The following CCN4 variants were observed in gnomAD, a reference collection of about 807,000 sequenced individuals.
CCN4 encodes the protein CCN family member 4.
In CCN4, 30 loss-of-function variants were observed where a neutral mutation model predicts 36.7. The observed-to-expected ratio is 0.82, with a 90% confidence interval of 0.61 to 1.11. The LOEUF is 1.11. CCN4 is among the 50% of genes least tolerant of loss of function. The probability of loss-of-function intolerance (pLI) is 0.00; values close to 1 mark genes in which losing one functional copy is unlikely to be tolerated. For synonymous variants in CCN4, 191 were observed against 195.4 expected, an observed-to-expected ratio of 0.98 and a Z score of 0.19; for missense variants, 505 against 504.9, an observed-to-expected ratio of 1.00 and a Z score of 0.00.
At chr8:133,215,378 C>T (rs1854280834) in intron 2 of CCN4, among the ~76,000 whole-genome samples, 1 of 152,226 alleles carries the variant, frequency 6.6e-6, no homozygotes, top group Non-Finnish European at 1.5e-5. Context: ...ACTAGAACCA[C>T]CTCCAGTTAT....
At chr8:133,216,030 C>A (rs1029090672) in intron 2 of CCN4, among the ~76,000 whole-genome samples, 1 of 152,074 alleles carries the variant, frequency 6.6e-6, no homozygotes, top group Non-Finnish European at 1.5e-5. Context: ...TACATATACA[C>A]ATCACACACA....
chr8:133,209,617 C>T (rs780423847), intron 1 of CCN4, among the ~76,000 whole-genome samples: 1 of 152,218 alleles, frequency 6.6e-6, no homozygotes, highest in Non-Finnish European at 1.5e-5. Flanking sequence ...TTCTGGGCAT[C>T]TTTAACTTGG....
chr8:133,194,351 TGGTG>T (rs1853235903), intron 1 of CCN4, among the ~76,000 whole-genome samples: 1 of 18,036 alleles, frequency 5.5e-5, no homozygotes, highest in Non-Finnish European at 1.0e-4. Context: ...TGTGGGGGGG[TGGTG>T]GTGTGTGGGG....
At chr8:133,222,503 G>A (rs1854572115) in intron 3 of CCN4, among the ~76,000 whole-genome samples, 1 of 151,772 alleles carries the variant, frequency 6.6e-6, no homozygotes, top group African/African-American at 2.4e-5. Context: ...GAGCTCTGAA[G>A]TCATCTGCTT....
At chr8:133,195,121 G>A (rs1475713328) in intron 1 of CCN4, among the ~76,000 whole-genome samples, 1 of 147,746 alleles carries the variant, frequency 6.8e-6, no homozygotes, top group Admixed American at 6.8e-5. Context: ...TGCATGGTGT[G>A]TGTATGGTGT....
intron 3 of CCN4, among the ~76,000 whole-genome samples, chr8:133,223,167 G>T (rs549154135): frequency 6.6e-6 from 1 of 152,240 alleles, no homozygotes; most frequent in East Asian, 1.9e-4. Context: ...CAGCAAGGCA[G>T]CTCTCCCACC....
chr8:133,193,885 A>G (rs1001893695), intron 1 of CCN4, among the ~76,000 whole-genome samples: 1 of 152,156 alleles, frequency 6.6e-6, no homozygotes, highest in Non-Finnish European at 1.5e-5. Context: ...CTAGTGGGGC[A>G]GGTGACAGGG....
At chr8:133,195,955 C>A (rs115167052) in intron 1 of CCN4, among the ~76,000 whole-genome samples, 14 of 152,276 alleles carry the variant, frequency 9.2e-5, no homozygotes, top group South Asian at 2.1e-4. Flanking sequence ...GCAAGGGTGG[C>A]GAAGCAGCCA....
At chr8:133,194,441 TGGTGTGTGTGTGGTATGTGTGTGG>T (rs1297335466) in intron 1 of CCN4, among the ~76,000 whole-genome samples, 3 of 57,812 alleles carry the variant, frequency 5.2e-5, no homozygotes, top group African/African-American at 1.1e-4. Flanking sequence ...TATGTGTGTG[TGGTGTGTGTGTGGTATGTGTGTGG>T]GGTGTGTGTG....
chr8:133,195,016 G>A (rs1853320967), intron 1 of CCN4, among the ~76,000 whole-genome samples: 1 of 147,624 alleles, frequency 6.8e-6, no homozygotes, highest in Non-Finnish European at 1.5e-5. Flanking sequence ...TTGTGTGTGT[G>A]GTGTGTGGTA....
chr8:133,229,763 T>C lies in CCN4; in HGVS notation c.*2053T>C, dbSNP rs1854889406. On this transcript the variant is annotated 3_prime_UTR_variant, in exon 5 of 5. Coordinates refer to ENST00000250160, the MANE Select transcript of CCN4 (RefSeq NM_003882.4). ...TCCAAAGCTACATGAAAATAGAATT[T>C]TAACAGTCAAAATTTTATATTAAGT... 1 of 152,220 alleles carries C rather than the reference T, an allele frequency of 6.6e-6. No homozygotes were observed. Among genetic ancestry groups the C allele is most frequent in the Non-Finnish European group, 1.5e-5 (1 of 68,040 alleles). The allele number at this position is 152,220 out of a possible 1,614,324, so 9.4% of individuals were successfully genotyped here.
chr8:133,214,401 G>T (rs10808609), intron 2 of CCN4, among the ~76,000 whole-genome samples: 151,830 of 151,830 alleles, frequency 1, 75,915 homozygotes, highest in Non-Finnish European at 1. Flanking sequence ...ATCAGGAACT[G>T]GCTTTAATTC....
chr8:133,220,479 C>T, intron 2 of CCN4, 102 bp from the exon 3 acceptor site: 2 of 1,505,294 alleles, frequency 1.3e-6, no homozygotes, highest in Non-Finnish European at 1.8e-6. Flanking sequence ...TGGGAGCCAT[C>T]CCCGGGATTG....
intron 2 of CCN4, among the ~76,000 whole-genome samples, chr8:133,220,324 G>A (rs765300395): frequency 6.0e-4 from 92 of 152,168 alleles, no homozygotes; most frequent in Non-Finnish European, 7.2e-4. Context: ...GGGAGGCTGC[G>A]TCCTTCCACT....
At chr8:133,203,148 G>C (rs554243840) in intron 1 of CCN4, among the ~76,000 whole-genome samples, 2 of 152,322 alleles carry the variant, frequency 1.3e-5, no homozygotes, top group South Asian at 4.1e-4. Flanking sequence ...CACTGCTCAC[G>C]GAGCACTTGC....
At chr8:133,217,759 C>G (rs910822539) in intron 2 of CCN4, among the ~76,000 whole-genome samples, 3 of 152,164 alleles carry the variant, frequency 2.0e-5, no homozygotes, top group Non-Finnish European at 2.9e-5. Context: ...CCCCCATATT[C>G]TGAGGCCTGG....
intron 4 of CCN4, among the ~76,000 whole-genome samples, chr8:133,225,983 T>G (rs1854722008): frequency 6.6e-6 from 1 of 152,188 alleles, no homozygotes; most frequent in South Asian, 2.1e-4. Context: ...TAGAGTCAAA[T>G]GTCTGCTTGC....
At chr8:133,213,476 T>C (rs1428881787) in intron 2 of CCN4, among the ~76,000 whole-genome samples, 2 of 152,112 alleles carry the variant, frequency 1.3e-5, no homozygotes, top group Non-Finnish European at 2.9e-5. Context: ...CAAATGTCCA[T>C]GGCCTACTAG....
chr8:133,194,916 T>G (rs1183981351), intron 1 of CCN4, among the ~76,000 whole-genome samples: 1 of 136,614 alleles, frequency 7.3e-6, no homozygotes, highest in African/African-American at 2.8e-5. Flanking sequence ...ACTGAGTGTG[T>G]ATATGGTGTG....
Sources: gnomAD v4.1 joint callset for allele counts (sites outside exome capture counted in the v4.1 genomes callset) on GRCh38, gnomAD v4.1.1 for gene constraint, MANE v1.5 for transcripts, NCBI Gene and HGNC (gene_info 2026-07-23, HGNC 2026-07-21) for gene names.